PCDH11X: variants seen among roughly 807,000 people sequenced by gnomAD.
PCDH11X encodes protocadherin-11 X-linked.
In PCDH11X, 18 loss-of-function variants were observed where a neutral mutation model predicts 53.3. That is an observed-to-expected ratio of 0.34 (90% confidence interval 0.23 to 0.50). PCDH11X has a LOEUF of 0.50. Among genes scored for constraint, PCDH11X ranks in the 20% least tolerant of loss-of-function variants. The pLI, the probability that PCDH11X is intolerant of heterozygous loss-of-function variation, is 0.98. For synonymous variants in PCDH11X, 279 were observed against 393.3 expected (o/e 0.71, Z 3.44); for missense variants, 570 against 1,032.4 (o/e 0.55, Z 6.14).
intron 8 of PCDH11X, among the ~76,000 whole-genome samples, chrX:92,297,066 G>A (rs1432954764): frequency 1.1e-5 from 1 of 87,444 alleles, no homozygotes; most frequent in African/African-American, 4.2e-5. Flanking sequence ...TGGATGCATT[G>A]TTTGCAAATA....
rs767914875 is a variant in PCDH11X, at chrX:91,892,427, A to T, written c.3033+13154A>T. Among the ~76,000 whole-genome samples the T allele has an allele frequency of 1.0e-4, 11 of 108,901 alleles. No homozygotes were observed. The South Asian group carries it at 3.7e-3, about 37-fold the overall frequency. 94.6% of individuals were successfully genotyped at this position (108,901 alleles called of 115,157 possible). On this transcript the variant is annotated intron_variant, in intron 6 of 10. Transcript: ENST00000682573. ...TCATTGCACATAGAATAAAGCCTCA[A>T]TTTTTATATTTTTCAAGGGACTTTG...
At chrX:92,609,651 G>A (rs1927160065) in intron 10 of PCDH11X, among the ~76,000 whole-genome samples, 1 of 109,954 alleles carries the variant, frequency 9.1e-6, no homozygotes, top group South Asian at 3.9e-4. Context: ...TTGATTCAGG[G>A]GGTACATGTG....
chrX:91,823,513 T>C (rs939451450), intron 4 of PCDH11X, among the ~76,000 whole-genome samples: 1 of 111,381 alleles, frequency 9.0e-6, no homozygotes, highest in Non-Finnish European at 1.9e-5. Flanking sequence ...CTTTTTTTGT[T>C]TTCCATTTGC....
chrX:92,099,171 C>A (rs762951796), intron 6 of PCDH11X, among the ~76,000 whole-genome samples: 2 of 109,177 alleles, frequency 1.8e-5, no homozygotes, highest in South Asian at 7.5e-4. Flanking sequence ...TCTATTCACA[C>A]CTTGGCTCAG....
At chrX:92,521,332 G>A (rs997834450) in intron 10 of PCDH11X, among the ~76,000 whole-genome samples, 3 of 111,874 alleles carry the variant, frequency 2.7e-5, no homozygotes, top group South Asian at 3.8e-4. Flanking sequence ...TAATCTGCTC[G>A]CATGTCTCCA....
intron 8 of PCDH11X, among the ~76,000 whole-genome samples, chrX:92,277,433 T>G (rs2068124813): frequency 9.1e-6 from 1 of 109,759 alleles, no homozygotes; most frequent in Non-Finnish European, 1.9e-5. Flanking sequence ...AGGTCGGGTG[T>G]GAGTTGAAGA....
At chrX:92,426,051 G>A (rs1422109789) in intron 9 of PCDH11X, among the ~76,000 whole-genome samples, 1 of 89,481 alleles carries the variant, frequency 1.1e-5, no homozygotes, top group Non-Finnish European at 2.2e-5. Context: ...GATCTAGTAG[G>A]TTCAAGATGG....
At chrX:92,383,066 A>T (rs1475880660) in intron 8 of PCDH11X, among the ~76,000 whole-genome samples, 1 of 109,505 alleles carries the variant, frequency 9.1e-6, no homozygotes, top group Non-Finnish European at 1.9e-5. Context: ...CTAAATTTTA[A>T]ATTTTAATGT....
intron 6 of PCDH11X, among the ~76,000 whole-genome samples, chrX:92,124,209 C>T (rs984868324): frequency 4.5e-5 from 5 of 110,658 alleles, no homozygotes; most frequent in Non-Finnish European, 9.4e-5. Context: ...GGTTACAACT[C>T]AGGTGCCACG....
chrX:92,128,514 C>T (rs2064912963), intron 6 of PCDH11X, among the ~76,000 whole-genome samples: 1 of 108,503 alleles, frequency 9.2e-6, no homozygotes, highest in Admixed American at 1.0e-4. Context: ...TCTCCTGCTT[C>T]AGCCTCCAGA....
chrX:91,955,620 G>C (rs1447704059), intron 6 of PCDH11X, among the ~76,000 whole-genome samples: 2 of 111,676 alleles, frequency 1.8e-5, no homozygotes, highest in African/African-American at 6.5e-5. Context: ...TGATTGTGCT[G>C]AGAGACTGTT....
chrX:91,839,461 C>CAAAAAAAAAAA (rs757627555), intron 5 of PCDH11X, among the ~76,000 whole-genome samples: 2 of 70,393 alleles, frequency 2.8e-5, no homozygotes. Flanking sequence ...TAAAAAAATA[C>CAAAAAAAAAAA]AAAAAAAAAA....
At chrX:91,982,149 C>T (rs2062149635) in intron 6 of PCDH11X, among the ~76,000 whole-genome samples, 1 of 110,497 alleles carries the variant, frequency 9.1e-6, no homozygotes, top group Admixed American at 9.7e-5. Flanking sequence ...AAAGAGTGAC[C>T]ACACCCTGCA....
chrX:92,560,884 G>A (rs2075121927), intron 10 of PCDH11X, among the ~76,000 whole-genome samples: 5 of 109,131 alleles, frequency 4.6e-5, no homozygotes, highest in African/African-American at 1.7e-4. Flanking sequence ...AGCGTCTTGG[G>A]CAAGACCCAG....
chrX:92,366,028 C>T (rs2070462566), intron 8 of PCDH11X, among the ~76,000 whole-genome samples: 1 of 110,599 alleles, frequency 9.0e-6, no homozygotes, highest in Non-Finnish European at 1.9e-5. Context: ...CCCTCTTTTA[C>T]TATTGTTTGG....
intron 10 of PCDH11X, among the ~76,000 whole-genome samples, chrX:92,484,125 ATATGTATATATG>A (rs2073568355): frequency 1.2e-5 from 1 of 83,008 alleles, no homozygotes. Flanking sequence ...TATAGTATAT[ATATGTATATATG>A]TATGTATATA....
At chrX:91,993,355 A>G (rs1443101936) in intron 6 of PCDH11X, among the ~76,000 whole-genome samples, 1 of 112,423 alleles carries the variant, frequency 8.9e-6, no homozygotes, top group Non-Finnish European at 1.9e-5. Context: ...TTTTGAACAT[A>G]TATTACCTAG....
chrX:91,815,988 C>T (rs1475605766), intron 4 of PCDH11X, among the ~76,000 whole-genome samples: 2 of 107,713 alleles, frequency 1.9e-5, no homozygotes, highest in African/African-American at 7.2e-5. Context: ...ATTAGCTGGG[C>T]ATGATGGTGG....
At chrX:92,477,900 T>A (rs779470090) in intron 10 of PCDH11X, among the ~76,000 whole-genome samples, 196 of 106,190 alleles carry the variant, frequency 1.8e-3, no homozygotes, top group Non-Finnish European at 3.2e-3. Flanking sequence ...CCTAGAAATC[T>A]GATATGGTTT....
Sources: allele counts gnomAD v4.1 joint callset (sites outside exome capture counted in the v4.1 genomes callset), GRCh38; gene constraint gnomAD v4.1.1; transcripts MANE v1.5; gene names NCBI Gene and HGNC (gene_info 2026-07-23, HGNC 2026-07-21).